The following DIP2C variants were observed in gnomAD, a reference collection of about 807,000 sequenced individuals.
The protein encoded by DIP2C is disco-interacting protein 2 homolog C.
A neutral mutation model predicts 192.4 loss-of-function variants in DIP2C; 33 were observed. The ratio of observed to expected loss-of-function variants is 0.17; its 90% confidence interval spans 0.13 to 0.23. The LOEUF (loss-of-function observed/expected upper bound fraction) is 0.23, where lower values mean the gene tolerates loss of function less well. Among genes scored for constraint, DIP2C ranks in the 10% least tolerant of loss-of-function variants. The pLI is 1.00. For synonymous variants in DIP2C, 979 were observed against 864.1 expected, an observed-to-expected ratio of 1.13 and a Z score of -2.33; for missense variants, 1,537 against 2,110.1, an observed-to-expected ratio of 0.73 and a Z score of 5.32.
At chr10:486,402 G>A in intron 2 of DIP2C, 57 bp downstream of exon 2, 1 of 1,480,968 alleles carries the variant, frequency 6.8e-7, no homozygotes, top group Non-Finnish European at 9.1e-7. Context: ...ATGTTTCTCT[G>A]GCACATAGTG....
chr10:349,295 G>T (rs3802659), intron 25 of DIP2C, 36 bp downstream of exon 25: 3 of 1,585,710 alleles, frequency 1.9e-6, no homozygotes. Flanking sequence ...TGACCGGCTT[G>T]CCATCTCTCA....
chr10:536,157 A>ACCT (rs1420727175), intron 1 of DIP2C, among the ~76,000 whole-genome samples: 2 of 152,186 alleles, frequency 1.3e-5, no homozygotes, highest in East Asian at 3.9e-4. Flanking sequence ...GATCCTTGCT[A>ACCT]CCTCCTCCAG....
At chr10:679,924 G>A (rs1831071523) in intron 1 of DIP2C, among the ~76,000 whole-genome samples, 1 of 152,234 alleles carries the variant, frequency 6.6e-6, no homozygotes, top group Non-Finnish European at 1.5e-5. Context: ...CACATTGGAG[G>A]ACAGAGTGGA....
chr10:604,777 G>A (rs1852348154), intron 1 of DIP2C, among the ~76,000 whole-genome samples: 2 of 152,142 alleles, frequency 1.3e-5, no homozygotes, highest in Admixed American at 1.3e-4. Context: ...TAATTTAGGG[G>A]GTTTGCCTAT....
At chr10:529,948 A>T (rs1363042351) in intron 1 of DIP2C, among the ~76,000 whole-genome samples, 1 of 152,186 alleles carries the variant, frequency 6.6e-6, no homozygotes, top group African/African-American at 2.4e-5. Flanking sequence ...TTTGCTAACA[A>T]ATTCCTAATT....
rs1418676090 is a variant in DIP2C, at chr10:617,732, C to T, written c.85+71762G>A. On this transcript the variant is annotated intron_variant, in intron 1 of 36. Coordinates refer to ENST00000280886, the MANE Select transcript of DIP2C (RefSeq NM_014974.3). ...GAGGCTGAGAAACCACCCTCAAGGG[C>T]GCTCACCTGCTCCTTGTTGCACGTA... Among the ~76,000 whole-genome samples, 4 of 147,612 alleles carry T rather than the reference C, an allele frequency of 2.7e-5. No individual in the cohort carries two copies. In the East Asian group the frequency reaches 8.4e-4, roughly 31 times the overall value.
intron 1 of DIP2C, among the ~76,000 whole-genome samples, chr10:654,298 T>A (rs772016271): frequency 9.2e-5 from 14 of 152,218 alleles, no homozygotes; most frequent in Non-Finnish European, 1.9e-4. Flanking sequence ...GATGAAAGAA[T>A]GGGACAAAAG....
chr10:652,293 C>T lies in DIP2C; in HGVS notation c.85+37201G>A. The T allele has an allele frequency of 4.7e-6, 1 of 210,936 alleles. No individual in the cohort carries two copies. 13.1% of individuals were successfully genotyped at this position (210,936 alleles called of 1,614,324 possible). On this transcript the variant is annotated intron_variant, in intron 1 of 36. Transcript: ENST00000280886. The surrounding 1 kb of genome is among the most constrained non-coding windows in gnomAD (Gnocchi z 4.5). ...CTGGCATCTTCCTCCATCCTGAGGG[C>T]ATCTTCCTCGGCATCTTCCTCCATC...
chr10:432,364 AAC>A (rs1392253560), intron 4 of DIP2C, among the ~76,000 whole-genome samples: 6 of 152,190 alleles, frequency 3.9e-5, no homozygotes, highest in Non-Finnish European at 5.9e-5. Context: ...GATTCAATTT[AAC>A]AGATACAGGC....
intron 1 of DIP2C, among the ~76,000 whole-genome samples, chr10:672,670 C>T (rs1588742610): frequency 6.6e-6 from 1 of 152,208 alleles, no homozygotes; most frequent in African/African-American, 2.4e-5. Flanking sequence ...GGCGAAGCTT[C>T]AAGAGTGGTC....
rs562444699 is a variant in DIP2C at position 312,240 on chromosome 10, G to C, written c.3925-2148C>G. Among the ~76,000 whole-genome samples the C allele has an allele frequency of 7.2e-5, 11 of 152,272 alleles. No individual in the cohort carries two copies. In the South Asian group the frequency reaches 2.3e-3, roughly 32 times the overall value. ...CTCCTCCTCGTCATCCATGGCTGTG[G>C]TCCCTGCCTGCTACCCGCATTAAAT... On this transcript the variant is annotated intron_variant, in intron 31 of 36. Transcript: ENST00000280886.
chr10:493,216 C>T (rs2133597130), intron 1 of DIP2C, among the ~76,000 whole-genome samples: 1 of 152,266 alleles, frequency 6.6e-6, no homozygotes, highest in Non-Finnish European at 1.5e-5. Flanking sequence ...TCATAACTTG[C>T]TAAAAACTCT....
At chr10:574,711 G>C (rs1163831964) in intron 1 of DIP2C, among the ~76,000 whole-genome samples, 7 of 152,166 alleles carry the variant, frequency 4.6e-5, no homozygotes, top group African/African-American at 1.7e-4. Flanking sequence ...TGTTTATCCA[G>C]GCCCTCGAAA....
At chr10:519,919 C>T (rs907671625) in intron 1 of DIP2C, among the ~76,000 whole-genome samples, 20 of 152,322 alleles carry the variant, frequency 1.3e-4, no homozygotes, top group African/African-American at 2.9e-4. Context: ...GCCACTGAGA[C>T]GTGGGCCTTT....
At chr10:474,174 T>C (rs1292724270) in intron 2 of DIP2C, among the ~76,000 whole-genome samples, 2 of 152,226 alleles carry the variant, frequency 1.3e-5, no homozygotes, top group East Asian at 3.8e-4. Flanking sequence ...TGAAAAACAG[T>C]AGCTACCTGG....
intron 1 of DIP2C, among the ~76,000 whole-genome samples, chr10:541,808 A>G (rs1284117814): frequency 1.4e-5 from 2 of 146,686 alleles, no homozygotes; most frequent in Non-Finnish European, 3.0e-5. Flanking sequence ...TGTCTCTCCT[A>G]GACCCCACAG....
intron 1 of DIP2C, among the ~76,000 whole-genome samples, chr10:533,097 G>A (rs1847511350): frequency 1.3e-5 from 2 of 152,174 alleles, no homozygotes; most frequent in Admixed American, 6.5e-5. Context: ...CACTCTCACA[G>A]CTCGAGGGTT....
intron 29 of DIP2C, 170 bp downstream of exon 29, chr10:341,029 C>T (rs763029867): frequency 1.6e-5 from 15 of 948,344 alleles, no homozygotes; most frequent in South Asian, 1.1e-4. Context: ...TGCTGCTTTC[C>T]CCGAGAGCCA....
At chr10:436,811 G>A (rs757002705) in intron 4 of DIP2C, among the ~76,000 whole-genome samples, 3 of 140,550 alleles carry the variant, frequency 2.1e-5, no homozygotes, top group Middle Eastern at 4.2e-3. Context: ...TCCTGGACAT[G>A]GTAGGGTGAT....
Sources: allele counts gnomAD v4.1 joint callset (sites outside exome capture counted in the v4.1 genomes callset), GRCh38; gene constraint gnomAD v4.1.1; non-coding constraint Gnocchi (gnomAD v3.1); transcripts MANE v1.5; gene names NCBI Gene and HGNC (gene_info 2026-07-23, HGNC 2026-07-21).